The following SLC30A8 variants were observed in gnomAD, a reference collection of about 807,000 sequenced individuals.
SLC30A8 encodes proton-coupled zinc antiporter SLC30A8.
SLC30A8 carries 27 observed loss-of-function variants against 36.9 expected under a neutral mutation model. The ratio of observed to expected loss-of-function variants is 0.73; its 90% CI spans 0.54 to 1.01. The LOEUF (loss-of-function observed/expected upper bound fraction) is 1.01. Among genes scored for constraint, SLC30A8 ranks in the 50% least tolerant of loss-of-function variants. The pLI, the probability that SLC30A8 is intolerant of heterozygous loss-of-function variation, is 0.00. For synonymous variants in SLC30A8, 164 were observed against 172.4 expected, an observed-to-expected ratio of 0.95 and a Z score of 0.38; for missense variants, 439 against 452.0, an observed-to-expected ratio of 0.97 and a Z score of 0.26.
At chr8:117,080,459 A>G (rs1313774262) in intron 2 of SLC30A8, among the ~76,000 whole-genome samples, 1 of 152,102 alleles carries the variant, frequency 6.6e-6, no homozygotes, top group Non-Finnish European at 1.5e-5. Flanking sequence ...CCACGTAGTG[A>G]GCATAGTGAG....
intron 1 of SLC30A8, among the ~76,000 whole-genome samples, chr8:116,984,008 C>T (rs370130948): frequency 2.6e-5 from 4 of 152,218 alleles, no homozygotes; most frequent in African/African-American, 9.6e-5. Flanking sequence ...TCACCCTTAA[C>T]CTCTAGCCAC....
intron 2 of SLC30A8, among the ~76,000 whole-genome samples, chr8:117,096,803 A>T (rs1417497530): frequency 1.3e-5 from 2 of 152,072 alleles, no homozygotes; most frequent in Non-Finnish European, 2.9e-5. Flanking sequence ...CCATTGTCAG[A>T]TTTTTCTTAG....
intron 1 of SLC30A8, among the ~76,000 whole-genome samples, chr8:116,963,412 C>T (rs962843814): frequency 2.6e-5 from 4 of 151,964 alleles, no homozygotes; most frequent in African/African-American, 7.2e-5. Flanking sequence ...CCAAATGAAA[C>T]GCTGTATCCA....
chr8:117,169,740 G>A (rs72687128), intron 6 of SLC30A8, among the ~76,000 whole-genome samples: 9,645 of 152,046 alleles, frequency 0.063, 361 homozygotes, highest in East Asian at 0.12. Context: ...TCACATGATG[G>A]GAATGGAGCA....
At position 117,097,686 on chromosome 8, in the gene SLC30A8, T is replaced by A. The variant is rs1296806501; in HGVS notation, c.-225-37594T>A. Among the ~76,000 whole-genome samples the A allele has an allele frequency of 1.6e-4, 4 of 25,722 alleles. 2 individuals are homozygous for A. Among genetic ancestry groups the A allele is most frequent in the African/African-American group, 1.4e-3 (2 of 1,408 alleles). The allele number at this position is 25,722 out of a possible 152,430, so 16.9% of individuals were successfully genotyped here. ...ATATATAATTTTAAATAATATATAT[T>A]ATATATAATATATATAATTTTAAAT... On this transcript the variant is annotated intron_variant, in intron 2 of 10. Coordinates refer to the SLC30A8 transcript ENST00000427715.
chr8:116,952,369 ATAAT>A (rs1814023352), intron 1 of SLC30A8, among the ~76,000 whole-genome samples: 1 of 152,212 alleles, frequency 6.6e-6, no homozygotes, highest in Non-Finnish European at 1.5e-5. Context: ...AAATAATTAA[ATAAT>A]TCTAAAAGTC....
chr8:117,135,721 A>G (rs963184886), intron 1 of SLC30A8, among the ~76,000 whole-genome samples: 3 of 151,908 alleles, frequency 2.0e-5, no homozygotes, highest in Admixed American at 2.0e-4. Flanking sequence ...TAAGATAGAT[A>G]GTAAATTTTA....
intron 1 of SLC30A8, among the ~76,000 whole-genome samples, chr8:116,988,746 T>C (rs1343884990): frequency 2.0e-5 from 3 of 152,242 alleles, no homozygotes; most frequent in Non-Finnish European, 4.4e-5. Context: ...GCCTCTGGCA[T>C]ATACTTAAAA....
Position 117,152,979 on chromosome 8 carries a change from G to C in SLC30A8, c.307G>C (p.Asp103His). 1.2e-6 allele frequency: 2 copies of C among 1,612,734 alleles called. No individual in the cohort carries two copies. Among genetic ancestry groups the C allele is most frequent in the Non-Finnish European group, 1.7e-6 (2 of 1,179,056 alleles). Reference sequence around the variant, plus strand: ...TGCTGGGAGTCTTGCTGTTGTCACAGATGCTGCCCACCTCTTAATTGACCT... The same window carrying C: ...TGCTGGGAGTCTTGCTGTTGTCACACATGCTGCCCACCTCTTAATTGACCT... ...HIAGSLAVVT[D>H]AAHLLIDLTS... The change falls in exon 3 of 8, where the codon GAT becomes CAT. Residue 103 changes from aspartate (D) to histidine (H), a missense_variant. Coordinates refer to ENST00000456015, the MANE Select transcript of SLC30A8 (RefSeq NM_173851.3).
At chr8:117,067,173 T>A (rs1818195126) in intron 2 of SLC30A8, among the ~76,000 whole-genome samples, 1 of 152,110 alleles carries the variant, frequency 6.6e-6, no homozygotes, top group Non-Finnish European at 1.5e-5. Flanking sequence ...ACCAGCCCCA[T>A]GATTCAATTA....
chr8:117,136,170 T>C (rs1821350375), intron 1 of SLC30A8, among the ~76,000 whole-genome samples: 1 of 151,964 alleles, frequency 6.6e-6, no homozygotes, highest in Admixed American at 6.6e-5. Context: ...TCAGAAGTAA[T>C]AGGCTAAGAG....
intron 2 of SLC30A8, among the ~76,000 whole-genome samples, chr8:117,077,078 G>C (rs567750780): frequency 6.6e-6 from 1 of 152,278 alleles, no homozygotes; most frequent in East Asian, 1.9e-4. Flanking sequence ...AGCAAATGTA[G>C]CTCTTGATAG....
intron 2 of SLC30A8, among the ~76,000 whole-genome samples, chr8:117,081,375 G>A (rs115776339): frequency 0.03 from 4,495 of 152,260 alleles, 151 homozygotes; most frequent in African/African-American, 0.086. Flanking sequence ...GCAGATGGCC[G>A]TCTTCTCACT....
intron 2 of SLC30A8, among the ~76,000 whole-genome samples, chr8:117,060,163 C>G (rs764067432): frequency 6.6e-6 from 1 of 151,950 alleles, no homozygotes; most frequent in Non-Finnish European, 1.5e-5. Flanking sequence ...AATGGAGATG[C>G]TTTTTTATTT....
At chr8:117,047,877 AAG>A (rs1035817759) in intron 2 of SLC30A8, among the ~76,000 whole-genome samples, 1 of 152,192 alleles carries the variant, frequency 6.6e-6, no homozygotes. Flanking sequence ...AGATGGTGAC[AAG>A]AGTGACCTCT....
chr8:117,170,862 T>C (rs1409372156), intron 6 of SLC30A8, among the ~76,000 whole-genome samples, 172 bp from the exon 7 acceptor site: 1 of 152,192 alleles, frequency 6.6e-6, no homozygotes, highest in East Asian at 1.9e-4. Flanking sequence ...TTTTGATTGA[T>C]GGTAAACCTT....
chr8:117,031,085 A>G (rs57437558), intron 1 of SLC30A8, among the ~76,000 whole-genome samples: 3,711 of 152,344 alleles, frequency 0.024, 154 homozygotes, highest in African/African-American at 0.083. Context: ...TGACCCAAAT[A>G]TTTCAGAAGA....
intron 1 of SLC30A8, among the ~76,000 whole-genome samples, chr8:116,985,293 TACACACACACACACACACACACACACAC>T (rs71305454): frequency 7.1e-6 from 1 of 140,236 alleles, no homozygotes; most frequent in Non-Finnish European, 1.6e-5. Context: ...CTCACACACA[TACACACACACACACACACACACACACAC>T]ACACACACAC....
intron 2 of SLC30A8, among the ~76,000 whole-genome samples, chr8:117,108,518 GA>G (rs1423805245): frequency 5.9e-5 from 9 of 152,152 alleles, no homozygotes; most frequent in African/African-American, 2.2e-4. Context: ...CTAATGAATG[GA>G]AAACAATCTT....
Sources: gnomAD v4.1 joint callset for allele counts (sites outside exome capture counted in the v4.1 genomes callset) on GRCh38, gnomAD v4.1.1 for gene constraint, MANE v1.5 for transcripts, NCBI Gene and HGNC (gene_info 2026-07-23, HGNC 2026-07-21) for gene names.